The following PPP2R2D variants were observed in gnomAD, a reference collection of about 807,000 sequenced individuals.
The protein encoded by PPP2R2D is protein phosphatase 2 regulatory subunit Bdelta, also known as serine/threonine-protein phosphatase 2A 55 kDa regulatory subunit B delta isoform.
Under a neutral mutation model 31.1 loss-of-function variants are expected in PPP2R2D, and 9 were observed. The observed-to-expected ratio is 0.29, with a 90% confidence interval of 0.17 to 0.51. PPP2R2D has a LOEUF of 0.51. PPP2R2D is among the 20% of genes least tolerant of loss of function. PPP2R2D has a pLI of 0.98. For missense variants in PPP2R2D, 391 were observed against 465.6 expected (o/e 0.84, Z 1.48); for synonymous variants, 179 against 172.6 (o/e 1.04, Z -0.29).
intron 2 of PPP2R2D, among the ~76,000 whole-genome samples, chr10:131,933,814 G>T (rs562708674): frequency 6.6e-6 from 1 of 152,026 alleles, no homozygotes; most frequent in South Asian, 2.1e-4. Context: ...TGTTCCTTCT[G>T]CCCCGGGGTC....
In PPP2R2D at chr10:131,918,128, G is replaced by A. The variant is rs188651008; in HGVS notation, c.101-16330G>A. On this transcript the variant is annotated intron_variant, in intron 2 of 8. Transcript: ENST00000455566. ...TCAGGCGGGTGGAATGTCAGTGTTTGTAGGGACCTCAGGCGGATGGAATGA... is the reference window on the plus strand; with the variant it reads ...TCAGGCGGGTGGAATGTCAGTGTTTATAGGGACCTCAGGCGGATGGAATGA... 1.9e-3 allele frequency among the ~76,000 whole-genome samples: 272 copies of A among 143,786 alleles called. 4 individuals carry two copies. Among genetic ancestry groups the A allele is most frequent in the African/African-American group, 6.7e-3 (253 of 38,032 alleles). The allele number at this position is 143,786 out of a possible 152,430, so 94.3% of individuals were successfully genotyped here. A position where few individuals can be genotyped will look rare whatever the true frequency, so the allele number is the denominator to read the frequency against.
chr10:131,943,753 G>A (rs1174413517), intron 5 of PPP2R2D, among the ~76,000 whole-genome samples: 1 of 152,216 alleles, frequency 6.6e-6, no homozygotes, highest in Non-Finnish European at 1.5e-5. Context: ...GTCGACCTCG[G>A]TAATGGAAGC....
chr10:131,930,235 A>C (rs1486812689), intron 2 of PPP2R2D, among the ~76,000 whole-genome samples: 1 of 149,820 alleles, frequency 6.7e-6, no homozygotes, highest in Admixed American at 6.6e-5. Context: ...TTTTTTTTTT[A>C]GCAAACACTT....
chr10:131,935,762 A>T (rs1280726768), intron 3 of PPP2R2D, among the ~76,000 whole-genome samples: 2 of 152,190 alleles, frequency 1.3e-5, no homozygotes, highest in Non-Finnish European at 2.9e-5. Flanking sequence ...ACACAATGCT[A>T]CTTAAGAACC....
At chr10:131,960,975 ATCT>A, downstream of PPP2R2D, among the ~76,000 whole-genome samples, 1 of 152,184 alleles carries the variant, frequency 6.6e-6, no homozygotes, top group Non-Finnish European at 1.5e-5. Flanking sequence ...CTGTAGCCGC[ATCT>A]TCTGTGGCGA....
downstream of PPP2R2D, among the ~76,000 whole-genome samples, chr10:131,961,274 C>G (rs931078210): frequency 2.6e-5 from 4 of 152,182 alleles, no homozygotes; most frequent in Non-Finnish European, 5.9e-5. Flanking sequence ...CAGCAGTCCC[C>G]GACAGTGGGC....
chr10:131,953,602 G>A (rs1398450476), intron 8 of PPP2R2D, among the ~76,000 whole-genome samples: 4 of 145,494 alleles, frequency 2.7e-5, no homozygotes, highest in Non-Finnish European at 4.5e-5. Flanking sequence ...GCGGGTATGC[G>A]GGGGTTCATT....
chr10:131,914,372 A>G (rs1210825205), intron 2 of PPP2R2D, among the ~76,000 whole-genome samples: 1 of 152,202 alleles, frequency 6.6e-6, no homozygotes, highest in Admixed American at 6.5e-5. Flanking sequence ...AAGCAAAGAC[A>G]TTCTAATTAA....
At position 131,918,172 on chromosome 10, in the gene PPP2R2D, C is replaced by T. The variant is rs527924746; in HGVS notation, c.101-16286C>T. ...GGAATGACACAGTGTAGGGACCTCACGTGGGTGGAATGGCACAGCGTTTGT... is the reference window on the plus strand; with the variant it reads ...GGAATGACACAGTGTAGGGACCTCATGTGGGTGGAATGGCACAGCGTTTGT... On this transcript the variant is annotated intron_variant, in intron 2 of 8. Coordinates refer to ENST00000455566, the MANE Select transcript of PPP2R2D (RefSeq NM_018461.5). Among the ~76,000 whole-genome samples, 5 of 146,862 alleles carry T rather than the reference C, an allele frequency of 3.4e-5. 1 individual carries two copies. The East Asian group carries it at 1.1e-3, about 32-fold the overall frequency.
At chr10:131,943,274 C>T (rs1281706358) in intron 5 of PPP2R2D, among the ~76,000 whole-genome samples, 3 of 152,262 alleles carry the variant, frequency 2.0e-5, no homozygotes, top group African/African-American at 7.2e-5. Context: ...CCTCCCTGAC[C>T]ACAGCACTCA....
chr10:131,964,664 A>ATTTTTTTTTT (rs782297365), downstream of PPP2R2D, among the ~76,000 whole-genome samples: 8 of 126,752 alleles, frequency 6.3e-5, no homozygotes, highest in Admixed American at 8.0e-5. Context: ...AGAGTTTACT[A>ATTTTTTTTTT]TGTTTTTTTT....
At chr10:131,906,010 T>C (rs1179715967) in intron 2 of PPP2R2D, among the ~76,000 whole-genome samples, 5 of 152,332 alleles carry the variant, frequency 3.3e-5, no homozygotes, top group African/African-American at 7.2e-5. Flanking sequence ...GATTCAAGAA[T>C]AGCATCACTT....
intron 8 of PPP2R2D, among the ~76,000 whole-genome samples, chr10:131,952,549 C>T (rs1468577696): frequency 1.8e-4 from 11 of 61,138 alleles, no homozygotes; most frequent in African/African-American, 4.2e-4. Flanking sequence ...TAGTGACTTG[C>T]GGGTGTGCGG....
intron 2 of PPP2R2D, among the ~76,000 whole-genome samples, chr10:131,921,906 C>T (rs2035994460): frequency 6.6e-6 from 1 of 152,126 alleles, no homozygotes; most frequent in African/African-American, 2.4e-5. Context: ...AGGAGTAATT[C>T]AGTTTGCTTA....
In PPP2R2D at chr10:131,921,663, G is replaced by A. The variant is rs369256496; in HGVS notation, c.101-12795G>A. On this transcript the variant is annotated intron_variant, in intron 2 of 8. Coordinates refer to ENST00000455566, the MANE Select transcript of PPP2R2D (RefSeq NM_018461.5). ...TGGTTGGATTTGAGTTTAAAAAATAGAACTCACTGGCTGCAGTGTGCGGAG... is the reference window on the plus strand; with the variant it reads ...TGGTTGGATTTGAGTTTAAAAAATAAAACTCACTGGCTGCAGTGTGCGGAG... Among the ~76,000 whole-genome samples the A allele has an allele frequency of 5.3e-5, 8 of 152,308 alleles. No homozygotes were observed. In the South Asian group the frequency reaches 1.7e-3, roughly 32 times the overall value.
intron 8 of PPP2R2D, among the ~76,000 whole-genome samples, chr10:131,954,706 G>T (rs1554899636): frequency 1.3e-5 from 2 of 152,156 alleles, no homozygotes; most frequent in African/African-American, 4.8e-5. Context: ...CAGCAGCCAG[G>T]GTCAGTGCTG....
intron 2 of PPP2R2D, among the ~76,000 whole-genome samples, chr10:131,929,937 C>G (rs150593529): frequency 7.1e-4 from 108 of 152,262 alleles, no homozygotes; most frequent in Non-Finnish European, 1.3e-3. Flanking sequence ...TGGGACTGCT[C>G]ACTTTTCATT....
At chr10:131,962,036 G>T (rs996867711), downstream of PPP2R2D, among the ~76,000 whole-genome samples, 4 of 152,248 alleles carry the variant, frequency 2.6e-5, no homozygotes, top group Non-Finnish European at 4.4e-5. Context: ...CCTCCGGGGA[G>T]CACCGGTGCC....
At chr10:131,940,406 C>A (rs1318485781) in intron 4 of PPP2R2D, among the ~76,000 whole-genome samples, 176 bp from the exon 5 acceptor site, 1 of 152,184 alleles carries the variant, frequency 6.6e-6, no homozygotes, top group African/African-American at 2.4e-5. Flanking sequence ...CTCTGCACGT[C>A]TGCACATCTT....
Sources: allele counts gnomAD v4.1 joint callset (sites outside exome capture counted in the v4.1 genomes callset), GRCh38; gene constraint gnomAD v4.1.1; transcripts MANE v1.5; gene names NCBI Gene and HGNC (gene_info 2026-07-23, HGNC 2026-07-21).